The following MYO5A variants were observed in gnomAD, a reference collection of about 807,000 sequenced individuals.
MYO5A encodes the protein unconventional myosin-Va.
Under a neutral mutation model 249.7 loss-of-function variants are expected in MYO5A, and 98 were observed. The observed-to-expected ratio is 0.39, with a 90% CI of 0.33 to 0.46. The LOEUF is 0.46. MYO5A is among the 20% of genes least tolerant of loss of function. The probability of loss-of-function intolerance (pLI) is 0.98; values close to 1 mark genes in which losing one functional copy is unlikely to be tolerated. For synonymous variants in MYO5A, 778 were observed against 810.6 expected, an observed-to-expected ratio of 0.96 and a Z score of 0.68; for missense variants, 1,696 against 2,308.8, an observed-to-expected ratio of 0.73 and a Z score of 5.44.
intron 1 of MYO5A, among the ~76,000 whole-genome samples, chr15:52,502,347 G>T (rs2077177764): frequency 6.6e-6 from 1 of 152,140 alleles, no homozygotes; most frequent in African/African-American, 2.4e-5. Flanking sequence ...TGACAAAATG[G>T]ATTCTAATTA....
intron 14 of MYO5A, among the ~76,000 whole-genome samples, chr15:52,386,388 T>G (rs1309772991): frequency 6.6e-6 from 1 of 152,076 alleles, no homozygotes; most frequent in Non-Finnish European, 1.5e-5. Context: ...CTAAATTACT[T>G]TGACAAAGTA....
chr15:52,461,325 A>AT (rs1807366087), intron 1 of MYO5A, among the ~76,000 whole-genome samples: 1 of 152,206 alleles, frequency 6.6e-6, no homozygotes, highest in African/African-American at 2.4e-5. Context: ...GCAGTGGTTA[A>AT]TTTTTGTTTT....
At chr15:52,455,595 T>C (rs1310296928) in intron 1 of MYO5A, among the ~76,000 whole-genome samples, 2 of 152,060 alleles carry the variant, frequency 1.3e-5, no homozygotes, top group Admixed American at 6.5e-5. Flanking sequence ...CAACAACACA[T>C]TAAAAAGATC....
At chr15:52,329,988 C>CT (rs569269632) in intron 35 of MYO5A, among the ~76,000 whole-genome samples, 11,545 of 100,150 alleles carry the variant, frequency 0.12, 568 homozygotes, top group African/African-American at 0.21. Context: ...TTTTCTTTTT[C>CT]TTTTTTTTTT....
chr15:52,412,832 C>CA (rs2043306687), intron 5 of MYO5A, among the ~76,000 whole-genome samples: 1 of 152,116 alleles, frequency 6.6e-6, no homozygotes, highest in Non-Finnish European at 1.5e-5. Flanking sequence ...TGAAAATCTT[C>CA]AATTATGGTT....
intron 4 of MYO5A, among the ~76,000 whole-genome samples, chr15:52,420,087 C>T (rs1159283169): frequency 6.6e-6 from 1 of 152,116 alleles, no homozygotes; most frequent in East Asian, 1.9e-4. Context: ...AGGAGGATCA[C>T]TTGAGCTTAG....
chr15:52,466,276 T>C (rs1451952592), intron 1 of MYO5A, among the ~76,000 whole-genome samples: 1 of 152,114 alleles, frequency 6.6e-6, no homozygotes, highest in Non-Finnish European at 1.5e-5. Flanking sequence ...CTTGGGGAAC[T>C]GAAACCTGTG....
intron 3 of MYO5A, among the ~76,000 whole-genome samples, chr15:52,427,064 C>T (rs919682919): frequency 6.6e-5 from 10 of 152,018 alleles, no homozygotes; most frequent in African/African-American, 2.4e-4. Flanking sequence ...TCAACTTATG[C>T]ATACAAAGAG....
intron 1 of MYO5A, among the ~76,000 whole-genome samples, chr15:52,488,368 G>A (rs2076867149): frequency 6.6e-6 from 1 of 152,158 alleles, no homozygotes; most frequent in South Asian, 2.1e-4. Flanking sequence ...TTCCCCAAAA[G>A]AGCTATAATT....
chr15:52,317,227 GA>G lies in MYO5A; in HGVS notation c.5235-6del, dbSNP rs756314204. The G allele has an allele frequency of 2.5e-6, 4 of 1,610,992 alleles. No individual in the cohort carries two copies. The highest frequency in any genetic ancestry group is 1.3e-5 in the African/African-American group (1 of 74,698). On this transcript the variant is annotated splice_region_variant and splice_polypyrimidine_tract_variant and intron_variant, in intron 39 of 41. Coordinates refer to ENST00000399233, the MANE Select transcript of MYO5A (RefSeq NM_001382347.1). ...TCCAGTTGACTGACATTGTACCTATGAAAAAAAAGAGATACAGAGAATGCAA... is the reference window on the plus strand; with the variant it reads ...TCCAGTTGACTGACATTGTACCTATGAAAAAAAGAGATACAGAGAATGCAA...
At chr15:52,319,423 T>C (rs1224783024) in intron 38 of MYO5A, 81 bp from the exon 39 acceptor site, 2 of 1,469,408 alleles carry the variant, frequency 1.4e-6, no homozygotes, top group Non-Finnish European at 9.5e-7. Context: ...CACAAACACA[T>C]GCACATTCAA....
chr15:52,493,040 G>A (rs1216365291), intron 1 of MYO5A, among the ~76,000 whole-genome samples: 1 of 147,786 alleles, frequency 6.8e-6, no homozygotes, highest in African/African-American at 2.5e-5. Context: ...CAAGGCCTGA[G>A]GGAAGAAAGG....
intron 37 of MYO5A, among the ~76,000 whole-genome samples, chr15:52,322,163 G>C (rs947238585): frequency 1.3e-5 from 2 of 152,230 alleles, no homozygotes; most frequent in African/African-American, 4.8e-5. Flanking sequence ...CTTACTCTGA[G>C]GATTCTCCCT....
At chr15:52,495,549 T>C (rs980669997) in intron 1 of MYO5A, among the ~76,000 whole-genome samples, 1 of 152,176 alleles carries the variant, frequency 6.6e-6, no homozygotes, top group Admixed American at 6.5e-5. Flanking sequence ...GATTTTGTGT[T>C]CTCATCACAA....
chr15:52,524,087 A>T (rs1205577058), intron 1 of MYO5A, among the ~76,000 whole-genome samples: 2 of 152,244 alleles, frequency 1.3e-5, no homozygotes, highest in African/African-American at 2.4e-5. Flanking sequence ...ACTGACCTTA[A>T]GAGCTGTTTC....
intron 16 of MYO5A, among the ~76,000 whole-genome samples, chr15:52,382,153 C>G (rs2041775593): frequency 6.6e-6 from 1 of 152,222 alleles, no homozygotes; most frequent in Admixed American, 6.5e-5. Flanking sequence ...TCCACCCACC[C>G]TGGCCTCCCA....
At chr15:52,435,999 C>G (rs2075654601) in intron 1 of MYO5A, among the ~76,000 whole-genome samples, 1 of 152,204 alleles carries the variant, frequency 6.6e-6, no homozygotes, top group South Asian at 2.1e-4. Flanking sequence ...CTCATTGCAG[C>G]CTCCGCTTCT....
chr15:52,329,992 T>TC (rs1429530225), intron 35 of MYO5A, among the ~76,000 whole-genome samples: 1 of 151,080 alleles, frequency 6.6e-6, no homozygotes, highest in African/African-American at 2.4e-5. Flanking sequence ...CTTTTTCTTT[T>TC]TTTTTTTTTT....
At chr15:52,413,611 C>T (rs1490023884) in intron 5 of MYO5A, among the ~76,000 whole-genome samples, 1 of 152,090 alleles carries the variant, frequency 6.6e-6, no homozygotes, top group Non-Finnish European at 1.5e-5. Flanking sequence ...GATATAGGGA[C>T]ATAGTATTGA....
Sources: allele counts gnomAD v4.1 joint callset (sites outside exome capture counted in the v4.1 genomes callset), GRCh38; gene constraint gnomAD v4.1.1; transcripts MANE v1.5; gene names NCBI Gene and HGNC (gene_info 2026-07-23, HGNC 2026-07-21).